NSUN7: variants seen among roughly 807,000 people sequenced by gnomAD.
NSUN7 encodes NOP2/Sun RNA methyltransferase family member 7.
In NSUN7, 39 loss-of-function variants were observed where a neutral mutation model predicts 58.5. The ratio of observed to expected loss-of-function variants is 0.67; its 90% confidence interval spans 0.52 to 0.87. NSUN7 has a LOEUF of 0.87. Among genes scored for constraint, NSUN7 ranks in the 40% least tolerant of loss-of-function variants. The probability of loss-of-function intolerance (pLI) is 0.00; values close to 1 mark genes in which losing one functional copy is unlikely to be tolerated. For synonymous variants in NSUN7, 278 were observed against 303.7 expected, an observed-to-expected ratio of 0.92 and a Z score of 0.88; for missense variants, 765 against 844.1, an observed-to-expected ratio of 0.91 and a Z score of 1.16.
rs898106980 is a variant in NSUN7, at chr4:40,810,630, T to G, written c.*1691T>G. 1 of 151,466 alleles carries G rather than the reference T, an allele frequency of 6.6e-6. No individual in the cohort carries two copies. Among genetic ancestry groups the G allele is most frequent in the Non-Finnish European group, 1.5e-5 (1 of 67,858 alleles). The allele number at this position is 151,466 out of a possible 1,614,324, so 9.4% of individuals were successfully genotyped here. ...TCAATGAAGAAAGGAAACAAGACTT[T>G]TTATAGTTGAACCAGGCTTATTGTA... is the stretch of plus-strand genomic sequence containing the variant. On this transcript the variant is annotated 3_prime_UTR_variant, in exon 12 of 12. Transcript: ENST00000381782.
At chr4:40,765,040 C>T (rs1190166146) in intron 4 of NSUN7, among the ~76,000 whole-genome samples, 2 of 148,404 alleles carry the variant, frequency 1.3e-5, no homozygotes, top group African/African-American at 5.0e-5. Flanking sequence ...TGCCTGTTCA[C>T]TCTGATGGTA....
intron 7 of NSUN7, among the ~76,000 whole-genome samples, chr4:40,782,543 G>A (rs1289490740): frequency 7.4e-6 from 1 of 135,624 alleles, no homozygotes; most frequent in Non-Finnish European, 1.6e-5. Context: ...ACTCCACCCT[G>A]TCTCAAAAAA....
intron 2 of NSUN7, among the ~76,000 whole-genome samples, chr4:40,760,072 A>T (rs113859141): frequency 2.8e-4 from 43 of 152,266 alleles, no homozygotes; most frequent in African/African-American, 9.4e-4. Context: ...TAGCAAATCA[A>T]ATCCAGCAAT....
intron 9 of NSUN7, among the ~76,000 whole-genome samples, chr4:40,797,191 TC>T (rs371264053): frequency 5.1e-4 from 77 of 152,318 alleles, no homozygotes; most frequent in African/African-American, 1.7e-3. Context: ...CCTCTCTGTC[TC>T]AACACCCTGT....
At chr4:40,768,145 G>A (rs1352953014) in intron 4 of NSUN7, among the ~76,000 whole-genome samples, 2 of 151,958 alleles carry the variant, frequency 1.3e-5, no homozygotes, top group Non-Finnish European at 2.9e-5. Flanking sequence ...GTCACTGTAA[G>A]CTCAAAGTAT....
At position 40,791,915 on chromosome 4, in the gene NSUN7, C is replaced by T. The variant is rs371341881; in HGVS notation, c.1180+1170C>T. On this transcript the variant is annotated intron_variant, in intron 8 of 11. Coordinates refer to ENST00000381782, the MANE Select transcript of NSUN7 (RefSeq NM_024677.6). The stretch of plus-strand genomic sequence containing the variant: ...AGACTCAGAAAAATTAAACCAGTTG[C>T]TTATGGTCATGTAGCTAGTAAGTAG... Among the ~76,000 whole-genome samples, 3 of 152,264 alleles carry T rather than the reference C, an allele frequency of 2.0e-5. No individual in the cohort carries two copies. In the East Asian group the frequency reaches 5.8e-4, roughly 29 times the overall value.
chr4:40,795,807 A>T (rs1040790246), intron 9 of NSUN7, among the ~76,000 whole-genome samples: 2 of 152,240 alleles, frequency 1.3e-5, no homozygotes, highest in Non-Finnish European at 2.9e-5. Context: ...GAGTAAAAAC[A>T]AATACAAATT....
intron 7 of NSUN7, among the ~76,000 whole-genome samples, chr4:40,789,510 A>C (rs987773909): frequency 1.3e-5 from 2 of 150,568 alleles, no homozygotes; most frequent in Non-Finnish European, 3.0e-5. Context: ...ACATTTTAAA[A>C]GAAGATTTTA....
At chr4:40,793,434 C>T (rs1743184331) in intron 8 of NSUN7, among the ~76,000 whole-genome samples, 1 of 151,482 alleles carries the variant, frequency 6.6e-6, no homozygotes, top group South Asian at 2.1e-4. Flanking sequence ...AGAGTGAGAT[C>T]CTGTCTCAAA....
chr4:40,759,677 G>A (rs923935003), intron 2 of NSUN7, among the ~76,000 whole-genome samples: 4 of 152,124 alleles, frequency 2.6e-5, no homozygotes, highest in Non-Finnish European at 5.9e-5. Flanking sequence ...CACTGACAAG[G>A]ATATTACAAG....
At chr4:40,780,813 A>ATTT (rs1171816788) in intron 7 of NSUN7, among the ~76,000 whole-genome samples, 10 of 63,248 alleles carry the variant, frequency 1.6e-4, no homozygotes, top group South Asian at 6.8e-4. Flanking sequence ...ATATATATAT[A>ATTT]TTTTTTTTTT....
Position 40,774,806 on chromosome 4 carries a change from T to C in NSUN7, c.681T>C (p.Tyr227=). Residue 227 remains tyrosine (Y), a synonymous_variant, in exon 6 of 12, where the codon TAT becomes TAC. Transcript: ENST00000381782. ...ATAATAATTTGAAGAGAAGAGGCTA[T>C]AATAAAGTCAAATCTGTATTGCATA... ...EVYNNLKRRG[Y]NKVKSVLHID... is the part of the protein sequence containing the mutation. 1 of 1,557,248 alleles carries C rather than the reference T, an allele frequency of 6.4e-7. No homozygotes were observed. Among genetic ancestry groups the C allele is most frequent in the Non-Finnish European group, 8.8e-7 (1 of 1,134,832 alleles).
intron 2 of NSUN7, among the ~76,000 whole-genome samples, chr4:40,759,681 T>C (rs1741352194): frequency 6.6e-6 from 1 of 152,208 alleles, no homozygotes; most frequent in South Asian, 2.1e-4. Context: ...GACAAGGATA[T>C]TACAAGAAAA....
intron 4 of NSUN7, among the ~76,000 whole-genome samples, chr4:40,764,612 G>C (rs1330112505): frequency 6.6e-6 from 1 of 152,142 alleles, no homozygotes; most frequent in Non-Finnish European, 1.5e-5. Flanking sequence ...GGATAGCTGG[G>C]TCAAATGGTA....
chr4:40,790,141 T>C (rs897679397), intron 7 of NSUN7, among the ~76,000 whole-genome samples: 6 of 147,496 alleles, frequency 4.1e-5, no homozygotes, highest in South Asian at 4.5e-4. Context: ...ATAACCAATA[T>C]TGAGCCCTTG....
chr4:40,805,673 T>C (rs1403438553), intron 10 of NSUN7, among the ~76,000 whole-genome samples: 1 of 152,120 alleles, frequency 6.6e-6, no homozygotes, highest in Non-Finnish European at 1.5e-5. Context: ...TATTCTCTCA[T>C]AGTTCCGGAG....
intron 7 of NSUN7, among the ~76,000 whole-genome samples, chr4:40,784,840 T>A (rs1203270172): frequency 6.6e-6 from 1 of 152,160 alleles, no homozygotes; most frequent in Non-Finnish European, 1.5e-5. Context: ...AACAGACCTC[T>A]CTCAAATTGA....
chr4:40,808,385 T>C lies in NSUN7; in HGVS notation c.1603T>C (p.Leu535=). The change falls in exon 12 of 12, where the codon TTG becomes CTG. Residue 535 remains leucine (L), a synonymous_variant. Coordinates refer to ENST00000381782, the MANE Select transcript of NSUN7 (RefSeq NM_024677.6). ...AAKGLLDGIE[L]GKSSKREKKK... is the part of the protein sequence containing the mutation. ...CAAGGGTCTGCTGGATGGGATTGAG[T>C]TGGGTAAATCATCAAAACGGGAGAA... is the stretch of plus-strand genomic sequence containing the variant. 1 of 1,613,894 alleles carries C rather than the reference T, an allele frequency of 6.2e-7. No individual in the cohort carries two copies. Among genetic ancestry groups the C allele is most frequent in the Non-Finnish European group, 8.5e-7 (1 of 1,179,998 alleles).
intron 7 of NSUN7, among the ~76,000 whole-genome samples, chr4:40,780,152 G>T (rs1407019683): frequency 6.6e-6 from 1 of 152,040 alleles, no homozygotes; most frequent in Admixed American, 6.6e-5. Context: ...GAGTGGTACA[G>T]GCTTGTAGTC....
Sources: gnomAD v4.1 joint callset for allele counts (sites outside exome capture counted in the v4.1 genomes callset) on GRCh38, gnomAD v4.1.1 for gene constraint, MANE v1.5 for transcripts, NCBI Gene and HGNC (gene_info 2026-07-23, HGNC 2026-07-21) for gene names.